Variants in SAMD5 observed in about 807,000 individuals in gnomAD.
SAMD5 encodes the protein sterile alpha motif domain containing 5, also known as sterile alpha motif domain-containing protein 5.
SAMD5 carries 13 observed loss-of-function variants against 11.3 expected under a neutral mutation model. That is an observed-to-expected ratio of 1.15 (90% confidence interval 0.75 to 1.83). The LOEUF (loss-of-function observed/expected upper bound fraction) is 1.83, where lower values mean the gene tolerates loss of function less well. Ranked by LOEUF, SAMD5 falls within the 40% of genes most tolerant of loss-of-function variation. The pLI, the probability that SAMD5 is intolerant of heterozygous loss-of-function variation, is 0.00. For missense variants in SAMD5, 255 were observed against 239.1 expected (o/e 1.07, Z -0.44); for synonymous variants, 129 against 111.3 (o/e 1.16, Z -1.00).
chr6:147,515,434 ATCC>A (rs1244430752), intron 1 of SAMD5, among the ~76,000 whole-genome samples: 8 of 65,462 alleles, frequency 1.2e-4, no homozygotes, highest in African/African-American at 1.0e-3. Flanking sequence ...CCATCCAACC[ATCC>A]ATCCATCCAT....
chr6:147,908,563 G>T, the SAMD5 span, among the ~76,000 whole-genome samples: 2 of 152,198 alleles, frequency 1.3e-5, no homozygotes, highest in Admixed American at 6.5e-5. Flanking sequence ...TCATGAGCTG[G>T]ATCATTGGGT....
intron 1 of SAMD5, among the ~76,000 whole-genome samples, chr6:147,612,245 G>A (rs532470753): frequency 1.8e-4 from 27 of 152,220 alleles, no homozygotes; most frequent in African/African-American, 6.5e-4. Flanking sequence ...CTGTCGGTTG[G>A]CAGAGACTGT....
intron 1 of SAMD5, among the ~76,000 whole-genome samples, chr6:147,528,354 G>T (rs563410371): frequency 6.6e-6 from 1 of 152,232 alleles, no homozygotes. Flanking sequence ...GGACTTCTGA[G>T]GCCACGTGCC....
intron 1 of SAMD5, among the ~76,000 whole-genome samples, chr6:147,684,067 A>G (rs1790975623): frequency 6.6e-6 from 1 of 152,124 alleles, no homozygotes; most frequent in African/African-American, 2.4e-5. Flanking sequence ...ATCCAGATCA[A>G]AAAATAAAAC....
intron 1 of SAMD5, among the ~76,000 whole-genome samples, chr6:147,643,211 T>C (rs1790340199): frequency 6.6e-6 from 1 of 152,216 alleles, no homozygotes; most frequent in Non-Finnish European, 1.5e-5. Flanking sequence ...GCTTCTTTTG[T>C]AAATTAAGAA....
At chr6:147,721,800 AT>A (rs1387936573) in intron 1 of SAMD5, among the ~76,000 whole-genome samples, 1 of 152,198 alleles carries the variant, frequency 6.6e-6, no homozygotes, top group Non-Finnish European at 1.5e-5. Context: ...TGAAAGTTTT[AT>A]ACAATTGCAC....
At position 147,566,175 on chromosome 6, in the gene SAMD5, A is replaced by G. The variant is rs1789037314; in HGVS notation, c.*1719A>G. 7.2e-6 allele frequency: 7 copies of G among 978,240 alleles called. No individual in the cohort carries two copies. The highest frequency in any genetic ancestry group is 4.9e-6 in the Non-Finnish European group (4 of 823,458). The allele number at this position is 978,240 out of a possible 1,614,324, so 60.6% of individuals were successfully genotyped here. A position where few individuals can be genotyped will look rare whatever the true frequency, so the allele number is the denominator to read the frequency against. Reference sequence around the variant, plus strand: ...TCAGGCACTGACTAAAATCAGTCTCATTATCATATACAAATGTAAGGAAGT... The same window carrying G: ...TCAGGCACTGACTAAAATCAGTCTCGTTATCATATACAAATGTAAGGAAGT... On this transcript the variant is annotated 3_prime_UTR_variant, in exon 2 of 2. Transcript: ENST00000367474.
At chr6:147,674,501 C>A (rs566206650) in intron 1 of SAMD5, among the ~76,000 whole-genome samples, 80 of 152,306 alleles carry the variant, frequency 5.3e-4, no homozygotes, top group African/African-American at 1.9e-3. Context: ...ATTCTCTAAT[C>A]TGAGTCCTTC....
Position 147,569,634 on chromosome 6 carries a change from A to T in SAMD5, c.*5178A>T, listed in dbSNP as rs1031495155. On this transcript the variant is annotated 3_prime_UTR_variant, in exon 2 of 2. Transcript: ENST00000367474. ...TATGTTGACTGGGACAAACGTTAGA[A>T]ATTGTATTGTTCATTGCACTTGTTG... 7.1e-6 allele frequency: 7 copies of T among 985,286 alleles called. No individual in the cohort carries two copies. The highest frequency in any genetic ancestry group is 8.4e-6 in the Non-Finnish European group (7 of 829,874). 61.0% of individuals were successfully genotyped at this position (985,286 alleles called of 1,614,324 possible).
intron 1 of SAMD5, among the ~76,000 whole-genome samples, chr6:147,684,379 A>T (rs2128456519): frequency 6.6e-6 from 1 of 152,074 alleles, no homozygotes; most frequent in East Asian, 1.9e-4. Context: ...TGTCTCTTAG[A>T]TTATTTGGAG....
At chr6:147,694,080 A>G (rs1470141342) in intron 1 of SAMD5, among the ~76,000 whole-genome samples, 1 of 152,208 alleles carries the variant, frequency 6.6e-6, no homozygotes, top group Non-Finnish European at 1.5e-5. Flanking sequence ...CTGACAGCTC[A>G]TTATGAAGAG....
intron 1 of SAMD5, among the ~76,000 whole-genome samples, chr6:147,728,089 G>A (rs1791655219): frequency 6.6e-6 from 1 of 152,172 alleles, no homozygotes; most frequent in African/African-American, 2.4e-5. Flanking sequence ...TGATGAGTTA[G>A]TAGGTCTAGT....
chr6:147,933,736 G>T, the SAMD5 span, among the ~76,000 whole-genome samples: 2 of 152,186 alleles, frequency 1.3e-5, no homozygotes, highest in Admixed American at 6.5e-5. Flanking sequence ...AGCAAGGGCT[G>T]CTTACAGGCA....
the SAMD5 span, among the ~76,000 whole-genome samples, chr6:147,899,006 C>G: frequency 3.0e-4 from 46 of 151,134 alleles, no homozygotes; most frequent in Non-Finnish European, 3.1e-4. Flanking sequence ...TGGTGAAACC[C>G]CGTCTCTACT....
the SAMD5 span, among the ~76,000 whole-genome samples, chr6:147,890,251 C>A: frequency 1.3e-5 from 2 of 151,660 alleles, no homozygotes; most frequent in African/African-American, 2.4e-5. Context: ...AAGATAATAA[C>A]AGTCAAATTC....
At chr6:147,599,792 G>A (rs1789588273) in intron 1 of SAMD5, among the ~76,000 whole-genome samples, 1 of 152,202 alleles carries the variant, frequency 6.6e-6, no homozygotes, top group Non-Finnish European at 1.5e-5. Flanking sequence ...GTCATTGGCT[G>A]TTTCTCAGTT....
the SAMD5 span, among the ~76,000 whole-genome samples, chr6:147,898,793 A>C: frequency 1.3e-5 from 2 of 152,104 alleles, no homozygotes; most frequent in South Asian, 2.1e-4. Context: ...ATATATATAC[A>C]CACATATATA....
chr6:147,648,367 G>C (rs1356340692), intron 1 of SAMD5, among the ~76,000 whole-genome samples: 2 of 152,180 alleles, frequency 1.3e-5, no homozygotes, highest in Non-Finnish European at 2.9e-5. Context: ...AGAACAGCAT[G>C]TGGGAAACTA....
the SAMD5 span, among the ~76,000 whole-genome samples, chr6:147,886,689 G>A: frequency 6.6e-6 from 1 of 152,110 alleles, no homozygotes; most frequent in African/African-American, 2.4e-5. Context: ...ATTATGAACT[G>A]CCAATGGAAA....
Sources: allele counts gnomAD v4.1 joint callset (sites outside exome capture counted in the v4.1 genomes callset), GRCh38; gene constraint gnomAD v4.1.1; transcripts MANE v1.5; gene names NCBI Gene and HGNC (gene_info 2026-07-23, HGNC 2026-07-21).